The following AKR1D1 variants were observed in gnomAD, a reference collection of about 807,000 sequenced individuals.
AKR1D1 encodes the protein delta(4)-3-ketosteroid 5-beta-reductase.
A neutral mutation model predicts 42.6 loss-of-function variants in AKR1D1; 32 were observed. The ratio of observed to expected loss-of-function variants is 0.75; its 90% CI spans 0.57 to 1.01. The LOEUF (loss-of-function observed/expected upper bound fraction) is 1.01, where lower values mean the gene tolerates loss of function less well. Among genes scored for constraint, AKR1D1 ranks in the 50% least tolerant of loss-of-function variants. The pLI, the probability that AKR1D1 is intolerant of heterozygous loss-of-function variation, is 0.00. For missense variants in AKR1D1, 364 were observed against 402.2 expected, an observed-to-expected ratio of 0.91 and a Z score of 0.81; for synonymous variants, 123 against 135.5, an observed-to-expected ratio of 0.91 and a Z score of 0.64.
chr7:138,106,962 T>G (rs1585739167), intron 6 of AKR1D1, among the ~76,000 whole-genome samples: 1 of 152,238 alleles, frequency 6.6e-6, no homozygotes, highest in Non-Finnish European at 1.5e-5. Flanking sequence ...AGTTTAATTA[T>G]TATTTGACAA....
At chr7:138,113,664 A>T in intron 7 of AKR1D1, 26 bp from the exon 8 acceptor site, 2 of 1,604,044 alleles carry the variant, frequency 1.2e-6, no homozygotes, top group South Asian at 2.2e-5. Context: ...ACCTTCAAAA[A>T]TGTTCTATTA....
chr7:138,096,303 A>G (rs1168098995), intron 3 of AKR1D1, among the ~76,000 whole-genome samples: 1 of 152,190 alleles, frequency 6.6e-6, no homozygotes, highest in African/African-American at 2.4e-5. Context: ...TGGGTAATAG[A>G]TAATAAACAG....
chr7:138,084,971 G>T (rs1004120743), intron 1 of AKR1D1, among the ~76,000 whole-genome samples: 2 of 141,486 alleles, frequency 1.4e-5, no homozygotes, highest in Non-Finnish European at 3.0e-5. Flanking sequence ...TAGGAGAATC[G>T]CTTGAACCCG....
intron 3 of AKR1D1, among the ~76,000 whole-genome samples, chr7:138,094,274 G>C (rs567260254): frequency 3.9e-5 from 6 of 152,246 alleles, no homozygotes; most frequent in South Asian, 4.1e-4. Flanking sequence ...CAGTACTTTG[G>C]GAGGCTAAGG....
At chr7:138,111,796 T>C (rs967917414) in intron 7 of AKR1D1, among the ~76,000 whole-genome samples, 6 of 152,214 alleles carry the variant, frequency 3.9e-5, no homozygotes, top group Non-Finnish European at 8.8e-5. Context: ...TAGGTTACAA[T>C]TGCAAGTTTA....
chr7:138,079,835 C>T (rs150907028), intron 1 of AKR1D1, among the ~76,000 whole-genome samples: 156 of 152,334 alleles, frequency 1.0e-3, no homozygotes, highest in African/African-American at 3.6e-3. Flanking sequence ...GATGTACTAT[C>T]TCTACAGGAC....
chr7:138,115,692 T>C (rs1302775091), intron 8 of AKR1D1, among the ~76,000 whole-genome samples: 4 of 152,206 alleles, frequency 2.6e-5, no homozygotes, highest in East Asian at 1.9e-4. Flanking sequence ...TTTTATCAAG[T>C]TGATTTTTAA....
At position 138,117,051 on chromosome 7, in the gene AKR1D1, T is replaced by C. The variant is rs932386222; in HGVS notation, c.*389T>C. 1.1e-5 allele frequency: 2 copies of C among 189,280 alleles called. No individual in the cohort carries two copies. The highest frequency in any genetic ancestry group is 2.2e-5 in the Non-Finnish European group (2 of 90,560). The allele number at this position is 189,280 out of a possible 1,614,324, so 11.7% of individuals were successfully genotyped here. A position where few individuals can be genotyped will look rare whatever the true frequency, so the allele number is the denominator to read the frequency against. On this transcript the variant is annotated 3_prime_UTR_variant, in exon 9 of 9. Transcript: ENST00000242375. ...CAGGACAACGAAGTGCATGTGGCAG[T>C]GTGCTGGCAGTGGCCTTGAGGCTTT... is the stretch of plus-strand genomic sequence containing the variant.
At chr7:138,106,256 A>G (rs903000337) in intron 5 of AKR1D1, among the ~76,000 whole-genome samples, 2 of 152,216 alleles carry the variant, frequency 1.3e-5, no homozygotes, top group Non-Finnish European at 2.9e-5. Flanking sequence ...TCTGCAATCT[A>G]TGCTAATAAA....
intron 5 of AKR1D1, among the ~76,000 whole-genome samples, chr7:138,105,883 T>TAAC (rs751822756): frequency 1.4e-5 from 2 of 144,852 alleles, no homozygotes; most frequent in African/African-American, 5.6e-5. Context: ...TGACTTCGTC[T>TAAC]AACAACAACA....
chr7:138,091,997 AC>A (rs1794093547), intron 3 of AKR1D1, 113 bp downstream of exon 3: 1 of 622,416 alleles, frequency 1.6e-6, no homozygotes, highest in African/African-American at 1.9e-5. Flanking sequence ...GAAGCTCTGC[AC>A]CATGAGCCAA....
At chr7:138,080,155 C>G (rs1397595927) in intron 1 of AKR1D1, among the ~76,000 whole-genome samples, 1 of 152,196 alleles carries the variant, frequency 6.6e-6, no homozygotes, top group African/African-American at 2.4e-5. Flanking sequence ...ACTGTGCTTC[C>G]TTCTTAATGC....
At chr7:138,092,461 G>A (rs1000836882) in intron 3 of AKR1D1, among the ~76,000 whole-genome samples, 2 of 152,216 alleles carry the variant, frequency 1.3e-5, no homozygotes, top group African/African-American at 4.8e-5. Flanking sequence ...TACATTCTGA[G>A]AAATGTGTCA....
chr7:138,077,573 G>T (rs1359460496), intron 1 of AKR1D1, among the ~76,000 whole-genome samples: 1 of 152,190 alleles, frequency 6.6e-6, no homozygotes, highest in East Asian at 1.9e-4. Flanking sequence ...TGACCATGAA[G>T]ATTGAAATGG....
intron 3 of AKR1D1, among the ~76,000 whole-genome samples, chr7:138,094,843 T>G (rs1015479082): frequency 2.7e-5 from 4 of 150,930 alleles, no homozygotes; most frequent in East Asian, 1.9e-4. Context: ...GAATCTTAAG[T>G]TTTTTTAAAC....
At position 138,107,531 on chromosome 7, in the gene AKR1D1, T is replaced by C; in HGVS notation, c.806T>C (p.Val269Ala). 6.2e-7 allele frequency: 1 copy of C among 1,614,126 alleles called. No individual in the cohort carries two copies. ...VLRFNIQRGV[V>A]VIPKSFNLER... is the part of the protein sequence containing the mutation. The stretch of plus-strand genomic sequence containing the variant: ...CGTTTCAACATCCAGCGAGGGGTGG[T>C]TGTCATTCCTAAAAGCTTTAATCTT... The change falls in exon 7 of 9, where the codon GTT becomes GCT. Residue 269 changes from valine (V) to alanine (A), a missense_variant. Transcript: ENST00000242375.
chr7:138,099,855 A>G (rs1007409146), intron 4 of AKR1D1, among the ~76,000 whole-genome samples: 8 of 116,954 alleles, frequency 6.8e-5, no homozygotes, highest in African/African-American at 1.8e-4. Flanking sequence ...AGAAAAAAAA[A>G]GGGGGGTAAT....
intron 3 of AKR1D1, among the ~76,000 whole-genome samples, chr7:138,097,064 AC>A (rs1794198341): frequency 6.6e-6 from 1 of 152,144 alleles, no homozygotes; most frequent in African/African-American, 2.4e-5. Flanking sequence ...GTTACCACCA[AC>A]CACCCAAGGC....
intron 3 of AKR1D1, among the ~76,000 whole-genome samples, chr7:138,093,476 C>T (rs1794125853): frequency 6.6e-6 from 1 of 151,860 alleles, no homozygotes; most frequent in Non-Finnish European, 1.5e-5. Context: ...AAAACTAAGA[C>T]ACAAGCACAC....
Sources: allele counts gnomAD v4.1 joint callset (sites outside exome capture counted in the v4.1 genomes callset), GRCh38; gene constraint gnomAD v4.1.1; transcripts MANE v1.5; gene names NCBI Gene and HGNC (gene_info 2026-07-23, HGNC 2026-07-21).